The following PTPRK variants were observed in gnomAD, a reference collection of about 807,000 sequenced individuals.
The protein encoded by PTPRK is protein tyrosine phosphatase receptor type K, also known as receptor-type tyrosine-protein phosphatase kappa.
In PTPRK, 75 loss-of-function variants were observed where a neutral mutation model predicts 178.0. That is an observed-to-expected ratio of 0.42 (90% CI 0.35 to 0.51). The LOEUF (loss-of-function observed/expected upper bound fraction) is 0.51. Ranked by LOEUF, PTPRK falls within the 20% of genes least tolerant of loss-of-function variation. PTPRK has a pLI of 0.02. For synonymous variants in PTPRK, 637 were observed against 620.6 expected (o/e 1.03, Z -0.39); for missense variants, 1,441 against 1,797.8 (o/e 0.80, Z 3.59).
intron 7 of PTPRK, among the ~76,000 whole-genome samples, chr6:128,113,612 A>C (rs2114351401): frequency 6.6e-6 from 1 of 152,214 alleles, no homozygotes; most frequent in East Asian, 1.9e-4. Context: ...TTACATGAAA[A>C]TATTACACCA....
chr6:128,363,312 T>C (rs928957862), intron 2 of PTPRK, among the ~76,000 whole-genome samples: 1 of 152,094 alleles, frequency 6.6e-6, no homozygotes, highest in Admixed American at 6.6e-5. Context: ...AAGTTCTGTG[T>C]CCCAAATGGT....
At chr6:128,090,337 G>C (rs1786705990) in intron 7 of PTPRK, among the ~76,000 whole-genome samples, 4 of 152,084 alleles carry the variant, frequency 2.6e-5, no homozygotes, top group Admixed American at 2.0e-4. Context: ...TTGAGCAAGT[G>C]AATCAGCTAA....
intron 2 of PTPRK, among the ~76,000 whole-genome samples, chr6:128,333,822 G>C (rs906577276): frequency 6.6e-6 from 1 of 152,202 alleles, no homozygotes. Flanking sequence ...ACAGGAACAA[G>C]AGGCCCAGCT....
chr6:128,465,729 G>A (rs1461589685), intron 1 of PTPRK, among the ~76,000 whole-genome samples: 1 of 151,974 alleles, frequency 6.6e-6, no homozygotes, highest in Non-Finnish European at 1.5e-5. Flanking sequence ...AGCTCTCTTG[G>A]GCATGGGACT....
At chr6:128,520,175 T>C (rs1858821159) in intron 1 of PTPRK, 84 bp downstream of exon 1, 2 of 1,210,822 alleles carry the variant, frequency 1.7e-6, no homozygotes, top group Admixed American at 2.4e-5. Context: ...ACGATCCTTG[T>C]CCCCAGCCCT....
At chr6:128,070,353 C>A (rs1295840789) in intron 11 of PTPRK, among the ~76,000 whole-genome samples, 2 of 151,978 alleles carry the variant, frequency 1.3e-5, no homozygotes, top group African/African-American at 4.8e-5. Context: ...CCCTAATTCT[C>A]AAAGTGATAG....
intron 1 of PTPRK, among the ~76,000 whole-genome samples, chr6:128,403,403 G>C (rs1161196631): frequency 3.3e-5 from 5 of 152,088 alleles, no homozygotes; most frequent in African/African-American, 1.2e-4. Context: ...GGTAATAGAA[G>C]AGAGACAATA....
At chr6:128,317,633 T>TTTA (rs966819957) in intron 3 of PTPRK, among the ~76,000 whole-genome samples, 5 of 151,954 alleles carry the variant, frequency 3.3e-5, no homozygotes, top group African/African-American at 9.7e-5. Context: ...TTTAAATAAT[T>TTTA]TTATTATTAT....
chr6:128,099,869 G>T (rs1213724619), intron 7 of PTPRK, among the ~76,000 whole-genome samples: 1 of 152,010 alleles, frequency 6.6e-6, no homozygotes, highest in Non-Finnish European at 1.5e-5. Context: ...TAGGTTTAGA[G>T]ATTAGACAGC....
In PTPRK at chr6:128,270,908, T is replaced by C. The variant is rs917932694; in HGVS notation, c.496-28306A>G. Among the ~76,000 whole-genome samples the C allele has an allele frequency of 9.2e-5, 14 of 152,114 alleles. No homozygotes were observed. In the South Asian group the frequency reaches 1.0e-3, roughly 11 times the overall value. ...AATGCTTTGTTTTTAGCTGCACATA[T>C]GCTGTATAAAAGGAGAGGGCAGAAC... is the stretch of plus-strand genomic sequence containing the variant. On this transcript the variant is annotated intron_variant, in intron 3 of 29. Coordinates refer to ENST00000368226, the MANE Select transcript of PTPRK (RefSeq NM_002844.4).
intron 1 of PTPRK, among the ~76,000 whole-genome samples, chr6:128,438,682 C>T (rs1268236705): frequency 2.0e-5 from 3 of 152,140 alleles, no homozygotes; most frequent in Admixed American, 6.5e-5. Context: ...CCCCAGGTGC[C>T]AAGTTAGGCT....
At chr6:128,217,164 G>A (rs1010941285) in intron 6 of PTPRK, among the ~76,000 whole-genome samples, 2 of 152,102 alleles carry the variant, frequency 1.3e-5, no homozygotes, top group African/African-American at 4.8e-5. Flanking sequence ...TGCTGGAATG[G>A]GACTTAACAA....
intron 13 of PTPRK, among the ~76,000 whole-genome samples, chr6:128,052,145 C>A (rs1455516988): frequency 1.3e-5 from 2 of 152,134 alleles, no homozygotes; most frequent in African/African-American, 4.8e-5. Context: ...TGGAAAAACA[C>A]ACAAAGTTAC....
intron 3 of PTPRK, among the ~76,000 whole-genome samples, chr6:128,317,317 C>A (rs1243476756): frequency 1.3e-5 from 2 of 152,096 alleles, no homozygotes; most frequent in Non-Finnish European, 2.9e-5. Context: ...ATGAAAGTAT[C>A]CAGCCTAGTA....
At position 128,284,302 on chromosome 6, in the gene PTPRK, T is replaced by C. The variant is rs571584526; in HGVS notation, c.495+37737A>G. 2.6e-5 allele frequency among the ~76,000 whole-genome samples: 4 copies of C among 152,312 alleles called. No individual in the cohort carries two copies. In the East Asian group the frequency reaches 5.8e-4, roughly 22 times the overall value. On this transcript the variant is annotated intron_variant, in intron 3 of 29. Transcript: ENST00000368226. ...AAATGCCTTTCATCCTGGTCATCTTTTCCACATTATGTAGATTTGATTTCC... is the reference window on the plus strand; with the variant it reads ...AAATGCCTTTCATCCTGGTCATCTTCTCCACATTATGTAGATTTGATTTCC...
chr6:128,038,157 T>C (rs1487455578), intron 13 of PTPRK, among the ~76,000 whole-genome samples: 3 of 152,190 alleles, frequency 2.0e-5, no homozygotes, highest in Non-Finnish European at 4.4e-5. Flanking sequence ...TCTAACTTTT[T>C]TTTCTAACTT....
intron 2 of PTPRK, among the ~76,000 whole-genome samples, chr6:128,382,151 C>CAAAAA (rs56321095): frequency 5.3e-5 from 4 of 75,632 alleles, no homozygotes; most frequent in Middle Eastern, 7.0e-3. Context: ...TACCCTATCT[C>CAAAAA]AAAAAAAAAA....
At chr6:128,117,387 C>T (rs977229570) in intron 7 of PTPRK, among the ~76,000 whole-genome samples, 5 of 152,018 alleles carry the variant, frequency 3.3e-5, no homozygotes, top group Admixed American at 2.0e-4. Context: ...AACAATGGGG[C>T]AAATCAAATT....
intron 1 of PTPRK, among the ~76,000 whole-genome samples, chr6:128,463,249 T>G (rs951566895): frequency 6.6e-6 from 1 of 152,224 alleles, no homozygotes; most frequent in African/African-American, 2.4e-5. Context: ...AGTCAAGCAC[T>G]GCCCTTCCAA....
Sources: gnomAD v4.1 joint callset for allele counts (sites outside exome capture counted in the v4.1 genomes callset) on GRCh38, gnomAD v4.1.1 for gene constraint, MANE v1.5 for transcripts, NCBI Gene and HGNC (gene_info 2026-07-23, HGNC 2026-07-21) for gene names.